Variants in SNRNP48 observed in about 807,000 individuals in gnomAD.
SNRNP48 encodes small nuclear ribonucleoprotein U11/U12 subunit 48.
In SNRNP48, 43 loss-of-function variants were observed where a neutral mutation model predicts 47.0. The observed-to-expected ratio is 0.92, with a 90% confidence interval of 0.72 to 1.18. SNRNP48 has a LOEUF of 1.18. Among genes scored for constraint, SNRNP48 ranks in the 50% most tolerant of loss-of-function variants. The pLI, the probability that SNRNP48 is intolerant of heterozygous loss-of-function variation, is 0.00. For synonymous variants in SNRNP48, 138 were observed against 144.0 expected (o/e 0.96, Z 0.30); for missense variants, 396 against 422.2 (o/e 0.94, Z 0.54).
At chr6:7,605,587 C>T in intron 7 of SNRNP48, 101 bp downstream of exon 7, 2 of 1,065,518 alleles carry the variant, frequency 1.9e-6, no homozygotes, top group East Asian at 2.6e-5. Context: ...CCCTTGATAG[C>T]ACACAGTAAA....
rs1191122853 is a variant in SNRNP48 at position 7,608,843 on chromosome 6, T to C, written c.990T>C (p.His330=). The change falls in exon 9 of 9, where the codon CAT becomes CAC. Residue 330 remains histidine, a synonymous_variant. Transcript: ENST00000342415. The part of the protein sequence containing the change: ...RRKERDGERH[H]SHKRRKQKI Reference sequence around the variant, plus strand: ...ATTTCAGGGATGGGGAAAGACACCATAGTCATAAAAGAAGAAAGCAAAAAA... The same window carrying C: ...ATTTCAGGGATGGGGAAAGACACCACAGTCATAAAAGAAGAAAGCAAAAAA... 6.6e-6 allele frequency: 10 copies of C among 1,522,244 alleles called. No homozygotes were observed. Among genetic ancestry groups the C allele is most frequent in the South Asian group, 1.2e-5 (1 of 82,486 alleles). The allele number at this position is 1,522,244 out of a possible 1,614,324, so 94.3% of individuals were successfully genotyped here. A position where few individuals can be genotyped will look rare whatever the true frequency, so the allele number is the denominator to read the frequency against.
Position 7,598,204 on chromosome 6 carries a change from AT to A in SNRNP48, c.406+3111del, listed in dbSNP as rs1209203333. On this transcript the variant is annotated intron_variant, in intron 4 of 8. Transcript: ENST00000342415. ...ATATGATCTTCAACCTTCTTTAAAA[AT>A]TTTTTTTGGCCACGTGTGGTGGCTC... Among the ~76,000 whole-genome samples, 8 of 149,906 alleles carry A rather than the reference AT, an allele frequency of 5.3e-5. No individual in the cohort carries two copies. In the East Asian group the frequency reaches 8.3e-4, roughly 16 times the overall value.
At position 7,608,828 on chromosome 6, in the gene SNRNP48, T is replaced by TG; in HGVS notation, c.979dup (p.Glu327GlyfsTer5). On this transcript the variant is annotated frameshift_variant, in exon 9 of 9. Coordinates refer to ENST00000342415, the MANE Select transcript of SNRNP48 (RefSeq NM_152551.4). LOFTEE classifies it high-confidence loss of function. Reference sequence around the variant, plus strand: ...TTTTATACCTCTTTTATTTCAGGGATGGGGAAAGACACCATAGTCATAAAA... The same window carrying TG: ...TTTTATACCTCTTTTATTTCAGGGATGGGGGAAAGACACCATAGTCATAAAA... 1 of 1,496,050 alleles carries TG rather than the reference T, an allele frequency of 6.7e-7. No individual in the cohort carries two copies. Among genetic ancestry groups the TG allele is most frequent in the Non-Finnish European group, 9.1e-7 (1 of 1,103,054 alleles). 92.7% of individuals were successfully genotyped at this position (1,496,050 alleles called of 1,614,324 possible). A position where few individuals can be genotyped will look rare whatever the true frequency, so the allele number is the denominator to read the frequency against.
Position 7,601,517 on chromosome 6 carries a change from C to A in SNRNP48, c.588C>A (p.Ile196=), listed in dbSNP as rs1396129987. ...TCTTTGTAGACTTGGCTGCCAAAATCAATCAAGGTTTGAGATGCACATCAT... is the reference window on the plus strand; with the variant it reads ...TCTTTGTAGACTTGGCTGCCAAAATAAATCAAGGTTTGAGATGCACATCAT... The part of the protein sequence containing the change: ...SDLFVDLAAK[I]NQDNSRKSPK... The change falls in exon 5 of 9, where the codon ATC becomes ATA. Residue 196 remains isoleucine (I), a synonymous_variant. Coordinates refer to ENST00000342415, the MANE Select transcript of SNRNP48 (RefSeq NM_152551.4). The A allele has an allele frequency of 1.9e-6, 3 of 1,575,128 alleles. No homozygotes were observed. The African/African-American group carries it at 4.1e-5, about 22-fold the overall frequency.
chr6:7,598,451 C>T (rs573223163), intron 4 of SNRNP48, among the ~76,000 whole-genome samples: 9 of 151,922 alleles, frequency 5.9e-5, no homozygotes, highest in African/African-American at 9.7e-5. Flanking sequence ...GCCAAGATGG[C>T]GCCACTGCAC....
At chr6:7,590,443 G>C in intron 1 of SNRNP48, 30 bp downstream of exon 1, 2 of 1,278,976 alleles carry the variant, frequency 1.6e-6, no homozygotes, top group Non-Finnish European at 2.0e-6. Context: ...GGCCCTTTCG[G>C]GGACTATCGG....
At chr6:7,606,323 T>C in intron 8 of SNRNP48, 128 bp downstream of exon 8, 1 of 922,320 alleles carries the variant, frequency 1.1e-6, no homozygotes, top group Non-Finnish European at 1.6e-6. Flanking sequence ...GAGTAAACAA[T>C]TGACGATGAT....
rs1193276269 is a variant in SNRNP48 at position 7,609,080 on chromosome 6, C to T, written c.*207C>T. ...CTATTAGGCCCTACAACTTTGTTTT[C>T]CTTATATTTTATTAGATGATTTGCT... On this transcript the variant is annotated 3_prime_UTR_variant, in exon 9 of 9. Coordinates refer to ENST00000342415, the MANE Select transcript of SNRNP48 (RefSeq NM_152551.4). The T allele has an allele frequency of 2.3e-5, 7 of 308,980 alleles. No homozygotes were observed. Among genetic ancestry groups the T allele is most frequent in the East Asian group, 9.5e-5 (2 of 21,052 alleles). 19.1% of individuals were successfully genotyped at this position (308,980 alleles called of 1,614,324 possible).
Position 7,610,689 on chromosome 6 carries a change from G to A in SNRNP48, c.*1816G>A, listed in dbSNP as rs1760218021. 1 of 152,168 alleles carries A rather than the reference G, an allele frequency of 6.6e-6. No homozygotes were observed. Among genetic ancestry groups the A allele is most frequent in the African/African-American group, 2.4e-5 (1 of 41,532 alleles). 9.4% of individuals were successfully genotyped at this position (152,168 alleles called of 1,614,324 possible). On this transcript the variant is annotated 3_prime_UTR_variant, in exon 9 of 9. Coordinates refer to ENST00000342415, the MANE Select transcript of SNRNP48 (RefSeq NM_152551.4). ...ATAGAAGAGTACGGAGAAAGGAAGA[G>A]ATTGAAAATGTTACCAGAGTTCTTT...
At chr6:7,601,302 A>G in intron 4 of SNRNP48, 34 bp from the exon 5 acceptor site, 1 of 1,490,916 alleles carries the variant, frequency 6.7e-7, no homozygotes. Flanking sequence ...TGCTTCATGT[A>G]TTGTTTATTC....
chr6:7,611,581 C>G lies in SNRNP48; in HGVS notation c.*2708C>G, dbSNP rs997051900. 6.6e-6 allele frequency: 1 copy of G among 152,180 alleles called. No individual in the cohort carries two copies. Among genetic ancestry groups the G allele is most frequent in the Non-Finnish European group, 1.5e-5 (1 of 68,042 alleles). The allele number at this position is 152,180 out of a possible 1,614,324, so 9.4% of individuals were successfully genotyped here. A position where few individuals can be genotyped will look rare whatever the true frequency, so the allele number is the denominator to read the frequency against. ...CAGAATTTTAAATTAAATCAATGATCTTCAAGTATTTGCCACTTTCGAGTA... is the reference window on the plus strand; with the variant it reads ...CAGAATTTTAAATTAAATCAATGATGTTCAAGTATTTGCCACTTTCGAGTA... On this transcript the variant is annotated 3_prime_UTR_variant, in exon 9 of 9. Coordinates refer to ENST00000342415, the MANE Select transcript of SNRNP48 (RefSeq NM_152551.4).
chr6:7,593,197 A>T (rs909842922), intron 1 of SNRNP48, among the ~76,000 whole-genome samples: 1 of 152,054 alleles, frequency 6.6e-6, no homozygotes, highest in African/African-American at 2.4e-5. Flanking sequence ...TACTTACATG[A>T]AAACCAACAT....
intron 6 of SNRNP48, among the ~76,000 whole-genome samples, chr6:7,603,959 G>A (rs1760080408): frequency 6.6e-6 from 1 of 152,200 alleles, no homozygotes; most frequent in South Asian, 2.1e-4. Context: ...ATATACTAAA[G>A]TGGATAGCAT....
chr6:7,604,905 T>G (rs568258393), intron 6 of SNRNP48, among the ~76,000 whole-genome samples: 5 of 152,182 alleles, frequency 3.3e-5, no homozygotes, highest in Non-Finnish European at 7.3e-5. Flanking sequence ...TAAGCTCTAA[T>G]AGAGAGATAA....
intron 8 of SNRNP48, among the ~76,000 whole-genome samples, chr6:7,606,916 T>C (rs1282616111): frequency 6.6e-6 from 1 of 152,236 alleles, no homozygotes; most frequent in African/African-American, 2.4e-5. Flanking sequence ...TCTGGTCAGT[T>C]CCTAATGAAA....
At chr6:7,605,520 C>A in intron 7 of SNRNP48, 34 bp downstream of exon 7, 2 of 1,560,222 alleles carry the variant, frequency 1.3e-6, no homozygotes, top group South Asian at 1.1e-5. Flanking sequence ...AAAATACTCT[C>A]TCTTTGATAA....
At chr6:7,595,649 C>G (rs1349626483) in intron 4 of SNRNP48, among the ~76,000 whole-genome samples, 3 of 152,158 alleles carry the variant, frequency 2.0e-5, no homozygotes, top group Non-Finnish European at 4.4e-5. Flanking sequence ...TTGAGATTTC[C>G]TCTCTTTAGA....
chr6:7,604,829 CTTA>C (rs1229165628), intron 6 of SNRNP48, among the ~76,000 whole-genome samples: 3 of 152,118 alleles, frequency 2.0e-5, no homozygotes, highest in South Asian at 4.2e-4. Context: ...CATATTTTGT[CTTA>C]TTAAGTCATA....
In SNRNP48 at chr6:7,602,694, CAGTCCTATAG is replaced by C. The variant is rs1267817328; in HGVS notation, c.670_679del (p.Ser224ProfsTer6). ...AGTACGAGATTATAAAAGAAGACGC[CAGTCCTATAG>C]AGCCAAGAATGTTCACATAACCAAG... On this transcript the variant is annotated frameshift_variant, in exon 6 of 9. Coordinates refer to ENST00000342415, the MANE Select transcript of SNRNP48 (RefSeq NM_152551.4). LOFTEE classifies it high-confidence loss of function. The C allele has an allele frequency of 1.9e-6, 3 of 1,604,560 alleles. No individual in the cohort carries two copies. The highest frequency in any genetic ancestry group is 2.6e-6 in the Non-Finnish European group (3 of 1,175,896).
Sources: gnomAD v4.1 joint callset for allele counts (sites outside exome capture counted in the v4.1 genomes callset) on GRCh38, gnomAD v4.1.1 for gene constraint, MANE v1.5 for transcripts, NCBI Gene and HGNC (gene_info 2026-07-23, HGNC 2026-07-21) for gene names.